PTPN18: variants seen among roughly 807,000 people sequenced by gnomAD.
PTPN18 encodes tyrosine-protein phosphatase non-receptor type 18.
PTPN18 carries 65 observed loss-of-function variants against 65.4 expected under a neutral mutation model. The ratio of observed to expected loss-of-function variants is 0.99; its 90% CI spans 0.81 to 1.22. The LOEUF (loss-of-function observed/expected upper bound fraction) is 1.22, where lower values mean the gene tolerates loss of function less well. Ranked by LOEUF, PTPN18 falls within the 50% of genes most tolerant of loss-of-function variation. PTPN18 has a pLI of 0.00. For synonymous variants in PTPN18, 255 were observed against 267.8 expected (o/e 0.95, Z 0.47); for missense variants, 616 against 646.5 (o/e 0.95, Z 0.51).
At chr2:130,362,240 G>C (rs901362005) in intron 5 of PTPN18, 3 of 458,822 alleles carry the variant, frequency 6.5e-6, no homozygotes, top group Non-Finnish European at 1.3e-5. Flanking sequence ...AAAGTGCTAA[G>C]ATTACAGGCA....
intron 5 of PTPN18, among the ~76,000 whole-genome samples, chr2:130,367,259 G>C (rs919953093): frequency 2.6e-5 from 4 of 151,800 alleles, no homozygotes; most frequent in Non-Finnish European, 5.9e-5. Flanking sequence ...GTCTGAAAAG[G>C]TTTTCAGCAT....
Position 130,374,331 on chromosome 2 carries a change from T to G in PTPN18, c.*1107T>G. On this transcript the variant is annotated 3_prime_UTR_variant, in exon 15 of 15. Coordinates refer to ENST00000175756, the MANE Select transcript of PTPN18 (RefSeq NM_014369.4). ...CCTGCCGAGTAGCTGGGACTACAGG[T>G]CTAATTTTTTTTTTTTTTAAGAAAT... 1.6e-5 allele frequency: 4 copies of G among 242,770 alleles called. No homozygotes were observed. Among genetic ancestry groups the G allele is most frequent in the East Asian group, 1.0e-4 (1 of 9,704 alleles). 15.0% of individuals were successfully genotyped at this position (242,770 alleles called of 1,614,324 possible). A position where few individuals can be genotyped will look rare whatever the true frequency, so the allele number is the denominator to read the frequency against.
At chr2:130,366,190 G>A (rs1680375074) in intron 5 of PTPN18, among the ~76,000 whole-genome samples, 1 of 152,166 alleles carries the variant, frequency 6.6e-6, no homozygotes, top group Non-Finnish European at 1.5e-5. Flanking sequence ...TGCCTGAACT[G>A]TTAATACAAA....
intron 5 of PTPN18, among the ~76,000 whole-genome samples, chr2:130,363,704 G>A (rs114443832): frequency 6.6e-6 from 1 of 152,104 alleles, no homozygotes. Context: ...CAGAAATTGG[G>A]TTCTTTCTAC....
In PTPN18 at chr2:130,372,292, T is replaced by A; in HGVS notation, c.1049T>A (p.Met350Lys). The A allele has an allele frequency of 6.4e-7, 1 of 1,559,518 alleles. No individual in the cohort carries two copies. Among genetic ancestry groups the A allele is most frequent in the Non-Finnish European group, 8.6e-7 (1 of 1,162,718 alleles). ...GTGCCCGGGTCCCCGGGCCACGCCATGGCTGACACCTACGCGGTGGTGCAG... is the reference window on the plus strand; with the variant it reads ...GTGCCCGGGTCCCCGGGCCACGCCAAGGCTGACACCTACGCGGTGGTGCAG... ...ISVPGSPGHA[M>K]ADTYAVVQKR... The change falls in exon 13 of 15, where the codon ATG becomes AAG. Residue 350 changes from methionine (M) to lysine (K), a missense_variant. This residue lies in a region of PTPN18 where 368 missense variants were observed against 386.7 expected (regional missense o/e 0.95). Coordinates refer to ENST00000175756, the MANE Select transcript of PTPN18 (RefSeq NM_014369.4).
intron 12 of PTPN18, chr2:130,371,904 C>T: frequency 7.9e-6 from 2 of 253,710 alleles, no homozygotes; most frequent in East Asian, 7.8e-5. Flanking sequence ...TGGGATTGAG[C>T]CGCCTTCGCA....
intron 5 of PTPN18, among the ~76,000 whole-genome samples, chr2:130,365,619 G>A (rs1375672096): frequency 6.6e-6 from 1 of 152,108 alleles, no homozygotes; most frequent in East Asian, 1.9e-4. Flanking sequence ...CTGTGCTTTT[G>A]GTGTATCTGA....
chr2:130,370,592 T>G lies in PTPN18; in HGVS notation c.725T>G (p.Val242Gly). ...GGGCGAACAGGCGTCCTGTGCACCGTGGATTATGTGAGGCAGCTGCTCCTG... is the reference window on the plus strand; with the variant it reads ...GGGCGAACAGGCGTCCTGTGCACCGGGGATTATGTGAGGCAGCTGCTCCTG... ...GCGRTGVLCT[V>G]DYVRQLLLTQ... The change falls in exon 9 of 15, where the codon GTG becomes GGG. Residue 242 changes from valine (V) to glycine (G), a missense_variant. Val to Gly is a moderately radical substitution (Grantham distance 109). Around this residue, in one of 3 missense-constraint regions of PTPN18, gnomAD observed 368 missense variants for 386.7 expected, o/e 0.95. Transcript: ENST00000175756. 1 of 1,614,078 alleles carries G rather than the reference T, an allele frequency of 6.2e-7. No homozygotes were observed. The highest frequency in any genetic ancestry group is 8.5e-7 in the Non-Finnish European group (1 of 1,180,016).
At chr2:130,358,826 T>C in intron 1 of PTPN18, 41 bp from the exon 2 acceptor site, 2 of 1,552,622 alleles carry the variant, frequency 1.3e-6, no homozygotes, top group South Asian at 1.1e-5. Flanking sequence ...GCTCCTCTCC[T>C]GTCTTCTCCC....
chr2:130,359,942 T>G, intron 5 of PTPN18: 3 of 444,006 alleles, frequency 6.8e-6, no homozygotes, highest in Non-Finnish European at 1.2e-5. Context: ...CTTCCCTTTA[T>G]TCACTCCACT....
chr2:130,371,263 C>T lies in PTPN18; in HGVS notation c.989C>T (p.Pro330Leu), dbSNP rs1250570362. Reference sequence around the variant, plus strand: ...ACTCCCCAGGCACTTCTCGCCATACCCCGCCCACCAGGAGGGGTCCTCAGG... The same window carrying T: ...ACTCCCCAGGCACTTCTCGCCATACTCCGCCCACCAGGAGGGGTCCTCAGG... ...LRTPQALLAIPRPPGGVLRSI... is the reference protein window; with the variant it reads ...LRTPQALLAILRPPGGVLRSI... The change falls in exon 12 of 15, where the codon CCC becomes CTC. Residue 330 changes from proline to leucine, a missense_variant. Physicochemically the swap from Pro to Leu is moderately conservative, Grantham distance 98. Transcript: ENST00000175756. 1 of 1,607,288 alleles carries T rather than the reference C, an allele frequency of 6.2e-7. No homozygotes were observed. The highest frequency in any genetic ancestry group is 1.3e-5 in the African/African-American group (1 of 74,934).
intron 5 of PTPN18, chr2:130,359,989 G>A: frequency 3.2e-6 from 1 of 312,910 alleles, no homozygotes; most frequent in Non-Finnish European, 6.1e-6. Flanking sequence ...CATGTTCCAG[G>A]GATGGCTCTG....
At chr2:130,372,608 C>T (rs1680610620) in intron 13 of PTPN18, 125 bp downstream of exon 13, 2 of 1,235,410 alleles carry the variant, frequency 1.6e-6, no homozygotes, top group East Asian at 2.6e-5. Flanking sequence ...TGGCCACGCC[C>T]CGACGCTGAT....
chr2:130,371,557 C>T (rs1247911395), intron 12 of PTPN18, among the ~76,000 whole-genome samples: 3 of 152,204 alleles, frequency 2.0e-5, no homozygotes, highest in African/African-American at 7.2e-5. Flanking sequence ...GTGGCTCACC[C>T]CTGTAATCCC....
In PTPN18 at chr2:130,375,010, C is replaced by T. The variant is rs1042234692; in HGVS notation, c.*1786C>T. 2.1e-4 allele frequency: 45 copies of T among 218,128 alleles called. No homozygotes were observed. Among genetic ancestry groups the T allele is most frequent in the Admixed American group, 1.2e-3 (23 of 19,270 alleles). The allele number at this position is 218,128 out of a possible 1,614,324, so 13.5% of individuals were successfully genotyped here. On this transcript the variant is annotated 3_prime_UTR_variant, in exon 15 of 15. Transcript: ENST00000175756. ...GGTGTGATATCATACCTTCGCCGGCCGCCTTTCCTTCCTGTTCTCTGTGCC... is the reference window on the plus strand; with the variant it reads ...GGTGTGATATCATACCTTCGCCGGCTGCCTTTCCTTCCTGTTCTCTGTGCC...
chr2:130,359,095 C>T, intron 2 of PTPN18, 120 bp downstream of exon 2: 1 of 1,452,202 alleles, frequency 6.9e-7, no homozygotes, highest in Non-Finnish European at 9.6e-7. Context: ...CTCTGCACTG[C>T]TCAGCAGCCC....
chr2:130,372,355 AG>A lies in PTPN18; in HGVS notation c.1113del (p.Thr372ArgfsTer21). 2 of 1,374,538 alleles carry A rather than the reference AG, an allele frequency of 1.5e-6. No homozygotes were observed. Among genetic ancestry groups the A allele is most frequent in the South Asian group, 3.3e-5 (2 of 60,678 alleles). The allele number at this position is 1,374,538 out of a possible 1,614,324, so 85.1% of individuals were successfully genotyped here. Reference sequence around the variant, plus strand: ...CCAGCGGGCGCCGGGAGTGGGACGCAGACGGGGACGGGGACGGGGACGGGGG... The same window carrying A: ...CCAGCGGGCGCCGGGAGTGGGACGCAACGGGGACGGGGACGGGGACGGGGG... ...GAPAGAGSGT[Q>X]TGTGTGTGAR... On this transcript the variant is annotated frameshift_variant, in exon 13 of 15. Coordinates refer to ENST00000175756, the MANE Select transcript of PTPN18 (RefSeq NM_014369.4). LOFTEE classifies it high-confidence loss of function.
Position 130,372,890 on chromosome 2 carries a change from C to G in PTPN18, c.1258C>G (p.Pro420Ala). The change falls in exon 14 of 15, where the codon CCT becomes GCT. Residue 420 changes from proline (P) to alanine (A), a missense_variant. Coordinates refer to ENST00000175756, the MANE Select transcript of PTPN18 (RefSeq NM_014369.4). ...LPGRVPADQS[P>A]AGSGAYEDVA... is the part of the protein sequence containing the mutation. ...GCCCTCAGTTCCTGCTGACCAAAGT[C>G]CTGCCGGATCTGGCGCCTACGAGGA... 6.2e-7 allele frequency: 1 copy of G among 1,614,216 alleles called. No homozygotes were observed.
intron 1 of PTPN18, chr2:130,356,533 GC>G: frequency 2.0e-6 from 1 of 505,490 alleles, no homozygotes; most frequent in Non-Finnish European, 4.0e-6. Context: ...AGGGCGGGCG[GC>G]CCTGCTGCGC....
Sources: allele counts gnomAD v4.1 joint callset (sites outside exome capture counted in the v4.1 genomes callset), GRCh38; gene constraint gnomAD v4.1.1; regional missense constraint gnomAD v4.1.1; transcripts MANE v1.5; gene names NCBI Gene and HGNC (gene_info 2026-07-23, HGNC 2026-07-21).